Variants in FNIP1 observed in about 807,000 individuals in gnomAD.
The protein encoded by FNIP1 is folliculin-interacting protein 1.
FNIP1 carries 40 observed loss-of-function variants against 124.5 expected under a neutral mutation model. The ratio of observed to expected loss-of-function variants is 0.32; its 90% CI spans 0.25 to 0.42. The LOEUF is 0.42. Ranked by LOEUF, FNIP1 falls within the 10% of genes least tolerant of loss-of-function variation. FNIP1 has a pLI of 1.00. For synonymous variants in FNIP1, 472 were observed against 470.6 expected, an observed-to-expected ratio of 1.00 and a Z score of -0.04; for missense variants, 1,176 against 1,403.7, an observed-to-expected ratio of 0.84 and a Z score of 2.59.
intron 15 of FNIP1, among the ~76,000 whole-genome samples, chr5:131,665,941 G>A (rs10069385): frequency 0.66 from 93,928 of 143,144 alleles, 32,083 homozygotes; most frequent in Non-Finnish European, 0.77. Flanking sequence ...TCGCTCTGTC[G>A]CCCAGGCTGG....
At chr5:131,656,721 T>C (rs1767203594) in intron 15 of FNIP1, among the ~76,000 whole-genome samples, 3 of 152,152 alleles carry the variant, frequency 2.0e-5, no homozygotes, top group Admixed American at 2.0e-4. Context: ...GGTATCTGCC[T>C]GAACAGGTTT....
intron 11 of FNIP1, among the ~76,000 whole-genome samples, chr5:131,696,835 T>C (rs917235197): frequency 6.6e-6 from 1 of 152,134 alleles, no homozygotes; most frequent in African/African-American, 2.4e-5. Flanking sequence ...AACAGTAAGA[T>C]ATATTTAACT....
chr5:131,736,980 T>C (rs905262608), intron 2 of FNIP1, among the ~76,000 whole-genome samples: 1 of 152,214 alleles, frequency 6.6e-6, no homozygotes, highest in South Asian at 2.1e-4. Flanking sequence ...TTCAAAAAGT[T>C]AATAAAAATT....
chr5:131,697,103 G>A (rs1007798219), intron 11 of FNIP1, among the ~76,000 whole-genome samples: 3 of 151,992 alleles, frequency 2.0e-5, no homozygotes, highest in Non-Finnish European at 4.4e-5. Context: ...AACTAAAACA[G>A]CCTTTCACTC....
chr5:131,650,660 A>C (rs1767012492), intron 16 of FNIP1, among the ~76,000 whole-genome samples: 1 of 152,206 alleles, frequency 6.6e-6, no homozygotes, highest in Non-Finnish European at 1.5e-5. Context: ...CATGTTGAAC[A>C]GAAGTAGGGA....
chr5:131,723,945 G>C (rs892967504), intron 3 of FNIP1, among the ~76,000 whole-genome samples: 8 of 151,302 alleles, frequency 5.3e-5, no homozygotes, highest in African/African-American at 1.7e-4. Context: ...CCACTTATGA[G>C]TGAGAACATG....
intron 1 of FNIP1, among the ~76,000 whole-genome samples, chr5:131,771,242 G>A (rs1771623424): frequency 6.6e-6 from 1 of 152,144 alleles, no homozygotes; most frequent in Non-Finnish European, 1.5e-5. Context: ...CATTATGATT[G>A]TCTGTACCTC....
intron 2 of FNIP1, among the ~76,000 whole-genome samples, chr5:131,743,810 G>A (rs548359929): frequency 2.0e-5 from 3 of 152,166 alleles, no homozygotes; most frequent in South Asian, 4.1e-4. Flanking sequence ...AAATATGCTG[G>A]GAGAAACCAA....
intron 11 of FNIP1, among the ~76,000 whole-genome samples, chr5:131,693,333 C>CATATATATATAT (rs70974007): frequency 5.2e-4 from 26 of 50,144 alleles, no homozygotes; most frequent in East Asian, 9.1e-4. Flanking sequence ...TATATATATA[C>CATATATATATAT]ATATATATAT....
chr5:131,760,852 T>C (rs1030842982), intron 1 of FNIP1, among the ~76,000 whole-genome samples: 2 of 132,532 alleles, frequency 1.5e-5, no homozygotes, highest in African/African-American at 5.8e-5. Context: ...CTGAGTTTGA[T>C]GACAGGAGGG....
chr5:131,784,191 T>C (rs1166580983), intron 1 of FNIP1, among the ~76,000 whole-genome samples: 1 of 152,114 alleles, frequency 6.6e-6, no homozygotes, highest in African/African-American at 2.4e-5. Context: ...TGATCAATTA[T>C]CTGTCAGATA....
intron 11 of FNIP1, among the ~76,000 whole-genome samples, chr5:131,693,778 A>G (rs1768596037): frequency 6.6e-6 from 1 of 152,104 alleles, no homozygotes; most frequent in African/African-American, 2.4e-5. Flanking sequence ...CTATTATAAG[A>G]AGAAGCCACA....
Position 131,705,150 on chromosome 5 carries a change from GA to G in FNIP1, c.915-885del. Among the ~76,000 whole-genome samples, 3 of 152,128 alleles carry G rather than the reference GA, an allele frequency of 2.0e-5. No individual in the cohort carries two copies. The South Asian group carries it at 6.2e-4, about 32-fold the overall frequency. ...CTTAAATAGACATTTCTCCAAAAAA[GA>G]TATACAAATAGCCAATAAGCACAAG... is the stretch of plus-strand genomic sequence containing the variant. On this transcript the variant is annotated intron_variant, in intron 9 of 17. Transcript: ENST00000510461.
At chr5:131,709,898 G>A (rs1158990255) in intron 7 of FNIP1, among the ~76,000 whole-genome samples, 1 of 152,126 alleles carries the variant, frequency 6.6e-6, no homozygotes, top group Non-Finnish European at 1.5e-5. Flanking sequence ...ATACCAATCT[G>A]AGAACAATGA....
At position 131,665,573 on chromosome 5, in the gene FNIP1, A is replaced by AAT. The variant is rs559618794; in HGVS notation, c.3108+4888_3108+4889dup. Among the ~76,000 whole-genome samples the AAT allele has an allele frequency of 3.7e-3, 548 of 149,588 alleles. 2 individuals are homozygous for AAT. The highest frequency in any genetic ancestry group is 7.0e-3 in the Middle Eastern group (2 of 286). On this transcript the variant is annotated intron_variant, in intron 15 of 17. Coordinates refer to ENST00000510461, the MANE Select transcript of FNIP1 (RefSeq NM_133372.3). ...AACTTTAAGTATGCAAGGATTAAAA[A>AAT]ATATATATATATATAGATAGGTTTT...
At chr5:131,724,469 G>C (rs1300548729) in intron 3 of FNIP1, among the ~76,000 whole-genome samples, 2 of 152,134 alleles carry the variant, frequency 1.3e-5, no homozygotes, top group Admixed American at 6.6e-5. Context: ...CAGTGATAAA[G>C]AGCTTTTTTT....
At chr5:131,722,561 T>G (rs1769702885) in intron 3 of FNIP1, among the ~76,000 whole-genome samples, 3 of 152,254 alleles carry the variant, frequency 2.0e-5, no homozygotes. Flanking sequence ...TTTATCTCTT[T>G]ACTACCTATC....
At chr5:131,663,958 T>C (rs1299846381) in intron 15 of FNIP1, among the ~76,000 whole-genome samples, 1 of 152,176 alleles carries the variant, frequency 6.6e-6, no homozygotes, top group African/African-American at 2.4e-5. Context: ...GAATGAAATT[T>C]TGTCTAGCTC....
intron 12 of FNIP1, among the ~76,000 whole-genome samples, chr5:131,678,568 C>T (rs1270356351): frequency 2.6e-5 from 4 of 151,600 alleles, no homozygotes; most frequent in Admixed American, 1.3e-4. Flanking sequence ...CCACCATGCC[C>T]GGCTAATTTT....
Sources: allele counts gnomAD v4.1 joint callset (sites outside exome capture counted in the v4.1 genomes callset), GRCh38; gene constraint gnomAD v4.1.1; transcripts MANE v1.5; gene names NCBI Gene and HGNC (gene_info 2026-07-23, HGNC 2026-07-21).